The following ATRNL1 variants were observed in gnomAD, a reference collection of about 807,000 sequenced individuals.
The protein encoded by ATRNL1 is attractin-like protein 1.
ATRNL1 carries 95 observed loss-of-function variants against 182.7 expected under a neutral mutation model. The observed-to-expected ratio is 0.52, with a 90% confidence interval of 0.44 to 0.62. ATRNL1 has a LOEUF of 0.62. ATRNL1 is among the 20% of genes least tolerant of loss of function. The pLI, the probability that ATRNL1 is intolerant of heterozygous loss-of-function variation, is 0.00. For missense variants in ATRNL1, 1,471 were observed against 1,679.5 expected (o/e 0.88, Z 2.17); for synonymous variants, 576 against 568.3 (o/e 1.01, Z -0.19).
In ATRNL1 at chr10:115,160,918, T is replaced by C. The variant is rs1292523730; in HGVS notation, c.1004+704T>C. ...CAATCAGAACTTGCCCTGGACAGTA[T>C]GGCATAATGGTGTATACACAATAGA... On this transcript the variant is annotated intron_variant, in intron 6 of 28. Transcript: ENST00000355044. 2.0e-5 allele frequency among the ~76,000 whole-genome samples: 3 copies of C among 151,962 alleles called. No individual in the cohort carries two copies. In the East Asian group the frequency reaches 5.8e-4, roughly 29 times the overall value.
At chr10:115,884,349 C>T (rs1309441598) in intron 28 of ATRNL1, among the ~76,000 whole-genome samples, 3 of 152,112 alleles carry the variant, frequency 2.0e-5, no homozygotes, top group Admixed American at 2.0e-4. Flanking sequence ...AATGTTTAAG[C>T]CATATCTCAA....
rs557238892 is a variant in ATRNL1, at chr10:115,761,970, T to C, written c.3903+34615T>C. The stretch of plus-strand genomic sequence containing the variant: ...AAGCTTACCCACAAGGGCTCTTTTC[T>C]CTTTCTCTGTCAACTTATTGTCTTT... On this transcript the variant is annotated intron_variant, in intron 27 of 28. Transcript: ENST00000355044. Among the ~76,000 whole-genome samples, 4 of 152,300 alleles carry C rather than the reference T, an allele frequency of 2.6e-5. No individual in the cohort carries two copies. The South Asian group carries it at 8.3e-4, about 32-fold the overall frequency.
chr10:115,723,600 G>A (rs1947502227), intron 26 of ATRNL1, among the ~76,000 whole-genome samples: 1 of 148,720 alleles, frequency 6.7e-6, no homozygotes, highest in Non-Finnish European at 1.5e-5. Context: ...CCAGGCTGGA[G>A]TGCAATGACG....
intron 21 of ATRNL1, among the ~76,000 whole-genome samples, chr10:115,431,414 A>G (rs1554963928): frequency 6.6e-6 from 1 of 151,784 alleles, no homozygotes; most frequent in Non-Finnish European, 1.5e-5. Flanking sequence ...AAAAAAAAAA[A>G]AAAAAGAAAA....
intron 9 of ATRNL1, among the ~76,000 whole-genome samples, chr10:115,230,482 T>G (rs1328672752): frequency 6.6e-6 from 1 of 152,146 alleles, no homozygotes; most frequent in Non-Finnish European, 1.5e-5. Flanking sequence ...AAGGGGCTAG[T>G]GTAGTCGAAT....
chr10:115,384,645 T>C (rs1376115178), intron 19 of ATRNL1, among the ~76,000 whole-genome samples: 3 of 151,180 alleles, frequency 2.0e-5, no homozygotes, highest in Non-Finnish European at 3.0e-5. Context: ...TTTTTCTTCA[T>C]TTTTTTTTCT....
chr10:115,879,825 G>A (rs1009216620), intron 28 of ATRNL1, among the ~76,000 whole-genome samples: 35 of 152,122 alleles, frequency 2.3e-4, no homozygotes, highest in African/African-American at 7.7e-4. Flanking sequence ...AGTCATTCAC[G>A]AGCATCAGGA....
intron 8 of ATRNL1, among the ~76,000 whole-genome samples, chr10:115,181,975 A>G (rs923897836): frequency 2.2e-4 from 33 of 151,666 alleles, no homozygotes; most frequent in African/African-American, 8.0e-4. Flanking sequence ...TAACCCTGTA[A>G]ACTCTGGTGA....
At chr10:115,461,469 T>G (rs1847792931) in intron 21 of ATRNL1, among the ~76,000 whole-genome samples, 1 of 152,002 alleles carries the variant, frequency 6.6e-6, no homozygotes, top group African/African-American at 2.4e-5. Context: ...AATAAATACA[T>G]TATATGAGAA....
chr10:115,431,197 G>A (rs1448587323), intron 21 of ATRNL1, among the ~76,000 whole-genome samples: 1 of 151,916 alleles, frequency 6.6e-6, no homozygotes, highest in Non-Finnish European at 1.5e-5. Context: ...ACCTGAGGTA[G>A]GGAGTTCGAG....
At chr10:115,674,660 A>G (rs1220219635) in intron 26 of ATRNL1, among the ~76,000 whole-genome samples, 1 of 152,078 alleles carries the variant, frequency 6.6e-6, no homozygotes, top group African/African-American at 2.4e-5. Flanking sequence ...CTTTCTTCAA[A>G]AGAGATCTTC....
chr10:115,334,737 G>T (rs1209444000), intron 19 of ATRNL1, among the ~76,000 whole-genome samples: 6 of 151,900 alleles, frequency 3.9e-5, no homozygotes, highest in African/African-American at 1.5e-4. Flanking sequence ...TTTTTAATAA[G>T]TAATAATTTA....
chr10:115,215,547 T>C, intron 8 of ATRNL1, 150 bp from the exon 9 acceptor site: 1 of 623,700 alleles, frequency 1.6e-6, no homozygotes, highest in Non-Finnish European at 2.5e-6. Context: ...ACATACTTAA[T>C]AAGTGTTTCT....
At chr10:115,378,211 A>G (rs1171277730) in intron 19 of ATRNL1, among the ~76,000 whole-genome samples, 1 of 152,168 alleles carries the variant, frequency 6.6e-6, no homozygotes, top group Non-Finnish European at 1.5e-5. Flanking sequence ...TGTAGTTGAC[A>G]GGGGATACAA....
intron 25 of ATRNL1, among the ~76,000 whole-genome samples, chr10:115,523,494 C>T (rs1406344357): frequency 1.3e-5 from 2 of 152,198 alleles, no homozygotes; most frequent in Non-Finnish European, 2.9e-5. Flanking sequence ...TTGTTATCCC[C>T]TGCTTTCCTT....
rs375475233 is a variant in ATRNL1, at chr10:115,826,309, G to C, written c.3904-21568G>C. On this transcript the variant is annotated intron_variant, in intron 27 of 28. Transcript: ENST00000355044. Reference sequence around the variant, plus strand: ...CACAGTTAGGCAAGCAGGAAGGAGTGGTACCCAGTGGCTTCCCTTCTTCGC... The same window carrying C: ...CACAGTTAGGCAAGCAGGAAGGAGTCGTACCCAGTGGCTTCCCTTCTTCGC... Among the ~76,000 whole-genome samples, 9 of 152,118 alleles carry C rather than the reference G, an allele frequency of 5.9e-5. No individual in the cohort carries two copies. In the East Asian group the frequency reaches 1.4e-3, roughly 23 times the overall value.
At chr10:115,122,413 TAGG>T (rs1254015196) in intron 3 of ATRNL1, among the ~76,000 whole-genome samples, 2 of 151,822 alleles carry the variant, frequency 1.3e-5, no homozygotes, top group Non-Finnish European at 2.9e-5. Flanking sequence ...GTTTCGTGAA[TAGG>T]AGAAAATCTA....
At chr10:115,159,695 A>G (rs1846688012) in intron 5 of ATRNL1, among the ~76,000 whole-genome samples, 4 of 151,592 alleles carry the variant, frequency 2.6e-5, no homozygotes, top group Admixed American at 6.6e-5. Context: ...AGAGGTAAAC[A>G]TACTTCCCTG....
intron 26 of ATRNL1, among the ~76,000 whole-genome samples, chr10:115,627,198 C>T (rs965719073): frequency 2.0e-5 from 3 of 152,114 alleles, no homozygotes; most frequent in African/African-American, 7.2e-5. Context: ...TCCCCATTCT[C>T]CTCTCCCCTG....
Sources: gnomAD v4.1 joint callset for allele counts (sites outside exome capture counted in the v4.1 genomes callset) on GRCh38, gnomAD v4.1.1 for gene constraint, MANE v1.5 for transcripts, NCBI Gene and HGNC (gene_info 2026-07-23, HGNC 2026-07-21) for gene names.